The following DNAI7 variants were observed in gnomAD, a reference collection of about 807,000 sequenced individuals.
The protein encoded by DNAI7 is dynein axonemal intermediate chain 7.
Under a neutral mutation model 86.6 loss-of-function variants are expected in DNAI7, and 78 were observed. The observed-to-expected ratio is 0.90, with a 90% confidence interval of 0.75 to 1.09. The LOEUF is 1.09. DNAI7 is among the 50% of genes least tolerant of loss of function. DNAI7 has a pLI of 0.00. For missense variants in DNAI7, 753 were observed against 810.2 expected, an observed-to-expected ratio of 0.93 and a Z score of 0.86; for synonymous variants, 274 against 273.0, an observed-to-expected ratio of 1.00 and a Z score of -0.04.
chr12:25,133,713 C>T (rs916937211), intron 9 of DNAI7, among the ~76,000 whole-genome samples: 18 of 152,142 alleles, frequency 1.2e-4, no homozygotes, highest in African/African-American at 4.1e-4. Context: ...TAAGCATAAG[C>T]GTCTACACAT....
At chr12:25,135,354 A>T (rs1290658188) in intron 9 of DNAI7, among the ~76,000 whole-genome samples, 2 of 152,228 alleles carry the variant, frequency 1.3e-5, no homozygotes, top group Non-Finnish European at 2.9e-5. Context: ...TCTGACTTTT[A>T]TCTCACAGGG....
rs2140304689 is a variant in DNAI7, at chr12:25,108,726, T to C, written c.1991A>G (p.Glu664Gly). 8 of 1,612,220 alleles carry C rather than the reference T, an allele frequency of 5.0e-6. No homozygotes were observed. The highest frequency in any genetic ancestry group is 6.8e-6 in the Non-Finnish European group (8 of 1,179,328). Residue 664 changes from glutamate (E) to glycine (G), a missense_variant, in exon 16 of 16, where the codon GAG becomes GGG. By Grantham distance (98) the Glu-to-Gly change is moderately conservative. Coordinates refer to ENST00000395987, the MANE Select transcript of DNAI7 (RefSeq NM_018272.5). ...AAGTGCTTCAGAAAATGCCTCACTC[T>C]CTTCCTTGATCTTCAGTCTTTGTGC... is the stretch of plus-strand genomic sequence containing the variant. Reference protein sequence around the residue: ...DRAQRLKIKEESEAFSEALKE... With the variant: ...DRAQRLKIKEGSEAFSEALKE...
At chr12:25,139,968 AACAAAGCATCTG>A (rs1943989279) in intron 9 of DNAI7, among the ~76,000 whole-genome samples, 2 of 152,260 alleles carry the variant, frequency 1.3e-5, no homozygotes, top group South Asian at 4.1e-4. Flanking sequence ...TAGAATTAAA[AACAAAGCATCTG>A]ACAAAATCCA....
rs561968554 is a variant in DNAI7 at position 25,132,386 on chromosome 12, TA to T, written c.1003-9101del. ...CATATTGATAATAGAGTTTTAACTTTAAAAAAAATTTAACAATACAGCTTAG... is the reference window on the plus strand; with the variant it reads ...CATATTGATAATAGAGTTTTAACTTTAAAAAAATTTAACAATACAGCTTAG... On this transcript the variant is annotated intron_variant, in intron 9 of 15. Transcript: ENST00000395987. Among the ~76,000 whole-genome samples, 74 of 152,158 alleles carry T rather than the reference TA, an allele frequency of 4.9e-4. 1 individual carries two copies. The highest frequency in any genetic ancestry group is 1.5e-3 in the African/African-American group (64 of 41,520).
intron 9 of DNAI7, among the ~76,000 whole-genome samples, chr12:25,133,194 G>A (rs908053677): frequency 5.4e-5 from 8 of 148,414 alleles, no homozygotes; most frequent in Admixed American, 2.0e-4. Flanking sequence ...AGTGAGAATC[G>A]AAATTTCTTT....
intron 1 of DNAI7, chr12:25,192,663 A>C (rs1439459766): frequency 1.3e-5 from 2 of 152,052 alleles, no homozygotes; most frequent in African/African-American, 4.8e-5. Flanking sequence ...TACTAAAAAT[A>C]CAAAAATTAG....
At chr12:25,189,332 G>A (rs1950302054) in intron 2 of DNAI7, among the ~76,000 whole-genome samples, 1 of 152,126 alleles carries the variant, frequency 6.6e-6, no homozygotes, top group Non-Finnish European at 1.5e-5. Flanking sequence ...ATGCACGAAT[G>A]CATGTGCTAT....
intron 2 of DNAI7, among the ~76,000 whole-genome samples, chr12:25,164,936 C>T (rs1270234854): frequency 1.3e-5 from 2 of 152,138 alleles, no homozygotes; most frequent in East Asian, 3.9e-4. Flanking sequence ...CCCTCCCCCA[C>T]CTGCCCAGCA....
At chr12:25,123,578 TTATTTA>T (rs1367761097) in intron 9 of DNAI7, among the ~76,000 whole-genome samples, 4 of 152,172 alleles carry the variant, frequency 2.6e-5, no homozygotes, top group Non-Finnish European at 5.9e-5. Flanking sequence ...ATAAAAAATA[TTATTTA>T]TATTTGCATT....
At chr12:25,137,601 C>A (rs1943692912) in intron 9 of DNAI7, among the ~76,000 whole-genome samples, 1 of 152,096 alleles carries the variant, frequency 6.6e-6, no homozygotes, top group Non-Finnish European at 1.5e-5. Flanking sequence ...TACAGAACCA[C>A]AGAATGGATA....
chr12:25,147,176 T>C, intron 7 of DNAI7, 72 bp from the exon 8 acceptor site: 1 of 777,016 alleles, frequency 1.3e-6, no homozygotes, highest in South Asian at 1.6e-5. Flanking sequence ...TAAGTTACTT[T>C]ATCACTTATG....
At chr12:25,107,758 A>AG, downstream of DNAI7, 5 of 1,545,016 alleles carry the variant, frequency 3.2e-6, no homozygotes, top group Non-Finnish European at 3.6e-6. Context: ...TGTTAGCAAA[A>AG]GGAATGTTTC....
At chr12:25,191,466 C>T (rs757712870) in intron 1 of DNAI7, among the ~76,000 whole-genome samples, 2 of 151,982 alleles carry the variant, frequency 1.3e-5, no homozygotes, top group African/African-American at 2.4e-5. Context: ...GGACTTTGGG[C>T]GGCTGAGGAA....
intron 9 of DNAI7, among the ~76,000 whole-genome samples, chr12:25,138,010 A>T (rs1943746301): frequency 6.6e-6 from 1 of 152,142 alleles, no homozygotes; most frequent in Admixed American, 6.5e-5. Flanking sequence ...TGGAAAAAAA[A>T]AAACAAAACA....
chr12:25,183,874 G>T (rs1229795224), intron 2 of DNAI7, among the ~76,000 whole-genome samples: 1 of 151,838 alleles, frequency 6.6e-6, no homozygotes, highest in Non-Finnish European at 1.5e-5. Context: ...GTGTTATTCT[G>T]TATTATTTCT....
At chr12:25,137,279 A>G (rs1366520853) in intron 9 of DNAI7, among the ~76,000 whole-genome samples, 4 of 152,216 alleles carry the variant, frequency 2.6e-5, no homozygotes, top group Non-Finnish European at 2.9e-5. Flanking sequence ...TATCCAGCAA[A>G]ACTAAGCTTC....
At chr12:25,134,632 T>C (rs1196736346) in intron 9 of DNAI7, among the ~76,000 whole-genome samples, 4 of 152,060 alleles carry the variant, frequency 2.6e-5, no homozygotes, top group East Asian at 1.9e-4. Context: ...GCTGGGATTA[T>C]AGTCATGAGC....
rs762218658 is a variant in DNAI7 at position 25,144,649 on chromosome 12, G to T, written c.718C>A (p.Gln240Lys). Residue 240 changes from glutamine (Q) to lysine (K), a missense_variant, in exon 9 of 16, where the codon CAA becomes AAA. Physicochemically the swap from Gln to Lys is moderately conservative, Grantham distance 53 (BLOSUM62 1). Transcript: ENST00000395987. The part of the protein sequence containing the change: ...RHRSVRFSET[Q>K]IGFEIPRILA... ...ATCCTTGGAATCTCAAATCCAATTT[G>T]TGTTTCAGAGAATCTAACACTTCTG... is the stretch of plus-strand genomic sequence containing the variant. 5 of 1,613,616 alleles carry T rather than the reference G, an allele frequency of 3.1e-6. No homozygotes were observed. In the East Asian group the frequency reaches 1.1e-4, roughly 36 times the overall value.
intron 9 of DNAI7, among the ~76,000 whole-genome samples, chr12:25,131,089 A>C (rs1490860291): frequency 1.3e-5 from 2 of 152,064 alleles, no homozygotes; most frequent in Non-Finnish European, 2.9e-5. Flanking sequence ...TAAAGTCATT[A>C]TAAAGATATA....
Sources: gnomAD v4.1 joint callset for allele counts (sites outside exome capture counted in the v4.1 genomes callset) on GRCh38, gnomAD v4.1.1 for gene constraint, MANE v1.5 for transcripts, NCBI Gene and HGNC (gene_info 2026-07-23, HGNC 2026-07-21) for gene names.